RSF1: variants seen among roughly 807,000 people sequenced by gnomAD.
RSF1 encodes remodeling and spacing factor 1.
RSF1 carries 13 observed loss-of-function variants against 145.2 expected under a neutral mutation model. The observed-to-expected ratio is 0.09, with a 90% CI of 0.06 to 0.14. The LOEUF (loss-of-function observed/expected upper bound fraction) is 0.14. Among genes scored for constraint, RSF1 ranks in the 10% least tolerant of loss-of-function variants. The pLI, the probability that RSF1 is intolerant of heterozygous loss-of-function variation, is 1.00. For synonymous variants in RSF1, 577 were observed against 592.6 expected (o/e 0.97, Z 0.38); for missense variants, 1,517 against 1,718.2 (o/e 0.88, Z 2.07).
chr11:77,798,736 C>G (rs1434261183), intron 1 of RSF1, among the ~76,000 whole-genome samples: 1 of 147,748 alleles, frequency 6.8e-6, no homozygotes, highest in East Asian at 2.0e-4. Flanking sequence ...ATCACAAGAA[C>G]AGAAAACCAA....
At chr11:77,756,193 G>A (rs1306379960) in intron 2 of RSF1, among the ~76,000 whole-genome samples, 1 of 151,580 alleles carries the variant, frequency 6.6e-6, no homozygotes, top group Non-Finnish European at 1.5e-5. Flanking sequence ...CCCTGTCTCA[G>A]CTAAAAATAC....
intron 1 of RSF1, among the ~76,000 whole-genome samples, chr11:77,765,604 T>C (rs908932301): frequency 9.2e-5 from 14 of 152,196 alleles, no homozygotes; most frequent in African/African-American, 3.1e-4. Context: ...CTTCAAATAT[T>C]TGAGGACTGC....
chr11:77,686,823 A>ACC (rs1392973890), intron 9 of RSF1, among the ~76,000 whole-genome samples: 3 of 152,094 alleles, frequency 2.0e-5, no homozygotes, highest in Admixed American at 2.0e-4. Context: ...GACTGTAGAG[A>ACC]CCTCTATGGT....
chr11:77,745,717 T>C (rs1014685088), intron 3 of RSF1, among the ~76,000 whole-genome samples: 4 of 151,214 alleles, frequency 2.6e-5, no homozygotes, highest in Non-Finnish European at 1.5e-5. Flanking sequence ...ACATACTAGA[T>C]TGGAAGAACT....
intron 2 of RSF1, among the ~76,000 whole-genome samples, chr11:77,747,632 A>G (rs752832902): frequency 2.0e-5 from 3 of 152,232 alleles, no homozygotes; most frequent in Non-Finnish European, 2.9e-5. Flanking sequence ...TGGCTTTAAG[A>G]TAAATGTCTA....
intron 1 of RSF1, among the ~76,000 whole-genome samples, chr11:77,810,920 G>A (rs937573981): frequency 6.6e-6 from 1 of 152,110 alleles, no homozygotes; most frequent in Non-Finnish European, 1.5e-5. Context: ...CAGGTTTTGG[G>A]TTTTGTTTTT....
rs541210037 is a variant in RSF1 at position 77,777,423 on chromosome 11, C to T, written c.188-12734G>A. 1.9e-4 allele frequency among the ~76,000 whole-genome samples: 29 copies of T among 151,996 alleles called. 1 individual carries two copies. In the South Asian group the frequency reaches 4.8e-3, roughly 25 times the overall value. ...CCTGGTCAACATGGTGAAACCCTGT[C>T]GCTAATAAAAATATAAGAAATTAGC... On this transcript the variant is annotated intron_variant, in intron 1 of 15. Coordinates refer to ENST00000308488, the MANE Select transcript of RSF1 (RefSeq NM_016578.4).
chr11:77,748,077 G>A (rs1293638418), intron 2 of RSF1, among the ~76,000 whole-genome samples: 4 of 151,920 alleles, frequency 2.6e-5, no homozygotes, highest in Admixed American at 2.0e-4. Context: ...TCTCAGGTGG[G>A]TTACCCTTTT....
intron 14 of RSF1, among the ~76,000 whole-genome samples, chr11:77,674,597 G>GT (rs1959642158): frequency 6.6e-6 from 1 of 152,214 alleles, no homozygotes; most frequent in African/African-American, 2.4e-5. Flanking sequence ...TGAAGTTAAC[G>GT]TATCAATCAG....
the RSF1 span, among the ~76,000 whole-genome samples, chr11:77,858,244 G>A: frequency 6.1e-5 from 9 of 147,998 alleles, no homozygotes; most frequent in Non-Finnish European, 1.5e-5. Flanking sequence ...ACCCAGGCTG[G>A]AGTGCAGTTG....
intron 1 of RSF1, among the ~76,000 whole-genome samples, chr11:77,778,027 C>CA (rs1246023732): frequency 8.4e-6 from 1 of 118,480 alleles, no homozygotes; most frequent in Non-Finnish European, 1.7e-5. Flanking sequence ...GTAATCCCAG[C>CA]AGGCTGAGGC....
chr11:77,828,670 G>GAA, the RSF1 span, among the ~76,000 whole-genome samples: 2 of 83,914 alleles, frequency 2.4e-5, no homozygotes, highest in Non-Finnish European at 2.5e-5. Context: ...ACTCCATCTC[G>GAA]AAAAAAAAAA....
chr11:77,766,624 C>T (rs933432450), intron 1 of RSF1, among the ~76,000 whole-genome samples: 2 of 151,952 alleles, frequency 1.3e-5, no homozygotes, highest in African/African-American at 2.4e-5. Flanking sequence ...ATTGCTTGCA[C>T]AAAAACAACA....
At chr11:77,785,720 G>A (rs1031430762) in intron 1 of RSF1, among the ~76,000 whole-genome samples, 2 of 151,534 alleles carry the variant, frequency 1.3e-5, no homozygotes, top group African/African-American at 4.8e-5. Context: ...GGGAGGCCGA[G>A]GCAGGTGGAT....
chr11:77,799,983 AG>A (rs1258825801), intron 1 of RSF1, among the ~76,000 whole-genome samples: 7 of 152,192 alleles, frequency 4.6e-5, no homozygotes, highest in Non-Finnish European at 1.0e-4. Context: ...ATCCCTGTAC[AG>A]AGTAAAGAGA....
chr11:77,695,802 A>G (rs1043811082), intron 7 of RSF1, among the ~76,000 whole-genome samples: 1 of 152,166 alleles, frequency 6.6e-6, no homozygotes, highest in Non-Finnish European at 1.5e-5. Context: ...TAAGATATAT[A>G]TGTATGGATA....
At chr11:77,724,259 T>A (rs1961001749) in intron 5 of RSF1, among the ~76,000 whole-genome samples, 1 of 151,704 alleles carries the variant, frequency 6.6e-6, no homozygotes, top group Non-Finnish European at 1.5e-5. Context: ...GCAACTAGAG[T>A]CCTTGGGCAC....
intron 6 of RSF1, among the ~76,000 whole-genome samples, chr11:77,699,948 G>A (rs550922100): frequency 3.9e-5 from 6 of 152,264 alleles, no homozygotes; most frequent in African/African-American, 4.8e-5. Flanking sequence ...CTACGGACAT[G>A]AAGAGTTCAG....
At chr11:77,807,125 ATG>A (rs527774979) in intron 1 of RSF1, among the ~76,000 whole-genome samples, 103 of 152,338 alleles carry the variant, frequency 6.8e-4, no homozygotes, top group Admixed American at 1.2e-3. Context: ...ATTTTCTCAT[ATG>A]GTCTTAAGTT....
Sources: allele counts gnomAD v4.1 joint callset (sites outside exome capture counted in the v4.1 genomes callset), GRCh38; gene constraint gnomAD v4.1.1; transcripts MANE v1.5; gene names NCBI Gene and HGNC (gene_info 2026-07-23, HGNC 2026-07-21).